The following RIMBP2 variants were observed in gnomAD, a reference collection of about 807,000 sequenced individuals.
The protein encoded by RIMBP2 is RIMS-binding protein 2.
A neutral mutation model predicts 118.6 loss-of-function variants in RIMBP2; 48 were observed. The ratio of observed to expected loss-of-function variants is 0.40; its 90% CI spans 0.32 to 0.51. RIMBP2 has a LOEUF of 0.51. Among genes scored for constraint, RIMBP2 ranks in the 20% least tolerant of loss-of-function variants. RIMBP2 has a pLI of 0.41. For missense variants in RIMBP2, 1,551 were observed against 1,768.3 expected (o/e 0.88, Z 2.20); for synonymous variants, 762 against 742.9 (o/e 1.03, Z -0.42).
chr12:130,474,586 G>A (rs1057271061), intron 5 of RIMBP2, among the ~76,000 whole-genome samples: 2 of 152,218 alleles, frequency 1.3e-5, no homozygotes, highest in Non-Finnish European at 2.9e-5. Context: ...CCCTCTGTCT[G>A]GGCATGGAGT....
chr12:130,449,323 G>A (rs1427527632), intron 9 of RIMBP2, among the ~76,000 whole-genome samples: 2 of 152,246 alleles, frequency 1.3e-5, no homozygotes, highest in Non-Finnish European at 2.9e-5. Flanking sequence ...GCAGTCCTGG[G>A]GGACCTCTCA....
chr12:130,593,353 C>A (rs771535348), intron 2 of RIMBP2, among the ~76,000 whole-genome samples: 18 of 152,266 alleles, frequency 1.2e-4, no homozygotes, highest in South Asian at 1.0e-3. Flanking sequence ...ACCTCCTCCA[C>A]ATACCCAAGG....
At chr12:130,624,104 C>T (rs866607980) in intron 2 of RIMBP2, among the ~76,000 whole-genome samples, 2 of 152,128 alleles carry the variant, frequency 1.3e-5, no homozygotes, top group East Asian at 1.9e-4. Flanking sequence ...TGAAACACAG[C>T]GATTTACAAG....
intron 1 of RIMBP2, among the ~76,000 whole-genome samples, chr12:130,660,806 G>A (rs11061066): frequency 0.3 from 45,859 of 151,364 alleles, 7,264 homozygotes; most frequent in Non-Finnish European, 0.37. Context: ...ATGGCGGCAC[G>A]CACCAGGGCT....
intron 2 of RIMBP2, among the ~76,000 whole-genome samples, chr12:130,568,654 C>T (rs1029392763): frequency 2.0e-5 from 3 of 152,246 alleles, no homozygotes; most frequent in African/African-American, 4.8e-5. Flanking sequence ...TTGATCTGTG[C>T]GCTTCTTCCC....
chr12:130,490,255 A>G (rs898990222), intron 4 of RIMBP2, among the ~76,000 whole-genome samples: 4 of 151,540 alleles, frequency 2.6e-5, no homozygotes, highest in African/African-American at 9.7e-5. Context: ...GACAATTCTA[A>G]GTTAAAAAAA....
At position 130,434,992 on chromosome 12, in the gene RIMBP2, C is replaced by CA. The variant is rs2077408267; in HGVS notation, c.2107-113dup. 1 of 1,160,254 alleles carries CA rather than the reference C, an allele frequency of 8.6e-7. No homozygotes were observed. The highest frequency in any genetic ancestry group is 2.4e-5 in the Admixed American group (1 of 41,552). 71.9% of individuals were successfully genotyped at this position (1,160,254 alleles called of 1,614,324 possible). ...CCTCAGAGCCTGGCCAGGCACCCCC[C>CA]ACACAGTGCTTTGGGCCCAGCTCTG... On this transcript the variant is annotated intron_variant, in intron 13 of 22. Transcript: ENST00000690449. This position sits in a 1 kb window ranked among gnomAD's most constrained non-coding sequence, Gnocchi z 5.7.
chr12:130,568,187 T>C (rs1397812320), intron 2 of RIMBP2, among the ~76,000 whole-genome samples: 1 of 152,212 alleles, frequency 6.6e-6, no homozygotes, highest in Non-Finnish European at 1.5e-5. Flanking sequence ...GCAGGGTTTC[T>C]CATAACTTCT....
intron 9 of RIMBP2, among the ~76,000 whole-genome samples, chr12:130,448,581 A>G (rs960145774): frequency 2.0e-5 from 3 of 152,236 alleles, no homozygotes; most frequent in African/African-American, 7.2e-5. Flanking sequence ...CCTGCTCCAC[A>G]CACAGCAAGA....
At chr12:130,436,711 T>C in intron 13 of RIMBP2, 131 bp downstream of exon 13, 1 of 622,448 alleles carries the variant, frequency 1.6e-6, no homozygotes. Flanking sequence ...AGCAAAGCGG[T>C]GGGCTGAGCG....
Position 130,475,989 on chromosome 12 carries a change from G to A in RIMBP2, c.102+2923C>T, listed in dbSNP as rs73152981. 0.049 allele frequency among the ~76,000 whole-genome samples: 7,513 copies of A among 152,138 alleles called. 284 individuals are homozygous for A. The highest frequency in any genetic ancestry group is 0.1 in the Middle Eastern group (30 of 292). On this transcript the variant is annotated intron_variant, in intron 5 of 22. Transcript: ENST00000690449. The surrounding 1 kb of genome is among the most constrained non-coding windows in gnomAD (Gnocchi z 4.1). ...CGGGTCTAAACCCGGGAGTTACCAC[G>A]CAGAGGTGGTGCTGAAACCCATGCA...
At chr12:130,479,096 G>A in intron 4 of RIMBP2, 80 bp from the exon 5 acceptor site, 1 of 1,177,836 alleles carries the variant, frequency 8.5e-7, no homozygotes, top group South Asian at 1.5e-5. Context: ...CACCAAGCTG[G>A]CTCTGACTCA....
intron 1 of RIMBP2, among the ~76,000 whole-genome samples, chr12:130,704,391 T>C (rs1463336533): frequency 2.0e-5 from 3 of 152,042 alleles, no homozygotes; most frequent in Non-Finnish European, 2.9e-5. Flanking sequence ...ACTGGCCAAA[T>C]TGGCGAAACC....
intron 2 of RIMBP2, among the ~76,000 whole-genome samples, chr12:130,554,628 T>A (rs2056163858): frequency 6.6e-6 from 1 of 152,150 alleles, no homozygotes; most frequent in East Asian, 1.9e-4. Flanking sequence ...GATATTTGAA[T>A]TCACTTACGT....
chr12:130,657,196 A>G (rs529630919), intron 1 of RIMBP2, among the ~76,000 whole-genome samples: 1 of 152,352 alleles, frequency 6.6e-6, no homozygotes, highest in African/African-American at 2.4e-5. Flanking sequence ...ACACGTGGCC[A>G]AATTTCCCTC....
At chr12:130,593,764 TG>T (rs1178793039) in intron 2 of RIMBP2, among the ~76,000 whole-genome samples, 1 of 152,252 alleles carries the variant, frequency 6.6e-6, no homozygotes, top group Non-Finnish European at 1.5e-5. Flanking sequence ...CAACATTTGC[TG>T]ATCGACCTCT....
chr12:130,662,678 G>A (rs1386108929), intron 1 of RIMBP2, among the ~76,000 whole-genome samples: 3 of 151,916 alleles, frequency 2.0e-5, no homozygotes, highest in Non-Finnish European at 4.4e-5. Context: ...TGGATAGGCT[G>A]GGCACAGTAG....
chr12:130,409,608 G>A (rs924298886), intron 19 of RIMBP2, among the ~76,000 whole-genome samples: 1 of 152,112 alleles, frequency 6.6e-6, no homozygotes, highest in African/African-American at 2.4e-5. Flanking sequence ...CTCCCAAAGT[G>A]CTGGGATTAC....
rs117249224 is a variant in RIMBP2, at chr12:130,514,702, T to C, written c.-127+3126A>G. Among the ~76,000 whole-genome samples, 885 of 152,272 alleles carry C rather than the reference T, an allele frequency of 5.8e-3. 6 individuals are homozygous for C. The highest frequency in any genetic ancestry group is 0.01 in the Middle Eastern group (3 of 294). On this transcript the variant is annotated intron_variant, in intron 3 of 22. Coordinates refer to ENST00000690449, the MANE Select transcript of RIMBP2 (RefSeq NM_001393629.1). ...TGAAGCACCCCCATCTTTTTTATAT[T>C]TTTCCTCCTATTTGAAGAAAAATAC...
Sources: allele counts gnomAD v4.1 joint callset (sites outside exome capture counted in the v4.1 genomes callset), GRCh38; gene constraint gnomAD v4.1.1; non-coding constraint Gnocchi (gnomAD v3.1); transcripts MANE v1.5; gene names NCBI Gene and HGNC (gene_info 2026-07-23, HGNC 2026-07-21).